The following NXPH2 variants were observed in gnomAD, a reference collection of about 807,000 sequenced individuals.
NXPH2 encodes neurexophilin 2.
Under a neutral mutation model 19.8 loss-of-function variants are expected in NXPH2, and 5 were observed. The ratio of observed to expected loss-of-function variants is 0.25; its 90% CI spans 0.13 to 0.53. NXPH2 has a LOEUF of 0.53. Ranked by LOEUF, NXPH2 falls within the 20% of genes least tolerant of loss-of-function variation. The pLI is 0.96. For synonymous variants in NXPH2, 154 were observed against 127.4 expected (o/e 1.21, Z -1.41); for missense variants, 289 against 322.8 (o/e 0.90, Z 0.80).
intron 1 of NXPH2, among the ~76,000 whole-genome samples, chr2:138,687,699 T>G (rs71413755): frequency 0.027 from 4,158 of 152,348 alleles, 144 homozygotes; most frequent in East Asian, 0.16. Flanking sequence ...TTAATCCATT[T>G]TGAATTAATT....
chr2:138,701,156 T>A (rs1428248855), intron 1 of NXPH2, among the ~76,000 whole-genome samples: 1 of 152,118 alleles, frequency 6.6e-6, no homozygotes, highest in African/African-American at 2.4e-5. Flanking sequence ...GTAGCTCGTG[T>A]AATTCTAGGA....
chr2:138,777,031 A>G (rs558765468), intron 1 of NXPH2, among the ~76,000 whole-genome samples: 14 of 151,124 alleles, frequency 9.3e-5, no homozygotes, highest in South Asian at 4.1e-4. Flanking sequence ...GATTTTTTAA[A>G]TCAGCCCTAA....
chr2:138,747,222 T>G (rs1034394901), intron 1 of NXPH2, among the ~76,000 whole-genome samples: 1 of 152,178 alleles, frequency 6.6e-6, no homozygotes, highest in African/African-American at 2.4e-5. Flanking sequence ...CAGTTCTTAT[T>G]AAGCTTAAAG....
At chr2:138,683,835 T>C (rs113199666) in intron 1 of NXPH2, among the ~76,000 whole-genome samples, 2 of 152,334 alleles carry the variant, frequency 1.3e-5, no homozygotes, top group African/African-American at 4.8e-5. Context: ...TAAAATAAAT[T>C]TTCCAACTTT....
intron 1 of NXPH2, among the ~76,000 whole-genome samples, chr2:138,722,628 TC>T (rs913899862): frequency 1.3e-5 from 2 of 152,170 alleles, no homozygotes; most frequent in African/African-American, 4.8e-5. Flanking sequence ...GTTAAGGAAT[TC>T]CTGCAATGAT....
chr2:138,682,509 T>C (rs914075400), intron 1 of NXPH2, among the ~76,000 whole-genome samples: 12 of 152,208 alleles, frequency 7.9e-5, no homozygotes, highest in African/African-American at 2.9e-4. Flanking sequence ...CCTATTAATA[T>C]TTTGTGGCAT....
intron 1 of NXPH2, among the ~76,000 whole-genome samples, chr2:138,692,134 G>A (rs139006920): frequency 1.4e-3 from 215 of 152,268 alleles, no homozygotes; most frequent in African/African-American, 4.6e-3. Context: ...GCAGAGTTCA[G>A]CTCTGAGTCA....
intron 1 of NXPH2, among the ~76,000 whole-genome samples, chr2:138,688,556 C>G (rs78134095): frequency 0.021 from 3,174 of 152,186 alleles, 50 homozygotes; most frequent in Non-Finnish European, 0.033. Context: ...GCAGTGGGAC[C>G]CTTTCTCCAC....
chr2:138,745,962 C>T (rs1558927959), intron 1 of NXPH2, among the ~76,000 whole-genome samples: 1 of 152,172 alleles, frequency 6.6e-6, no homozygotes, highest in Non-Finnish European at 1.5e-5. Flanking sequence ...GCCTAGTCCA[C>T]CAAGAGATGG....
chr2:138,721,335 G>A lies in NXPH2; in HGVS notation c.52-49670C>T, dbSNP rs1296819793. ...CAAGCTGGAGATAGAGCAAGACTCC[G>A]TCTGAAAAAAAAAAAAATTGCCAGA... On this transcript the variant is annotated intron_variant, in intron 1 of 1. Transcript: ENST00000272641. Among the ~76,000 whole-genome samples, 7 of 150,910 alleles carry A rather than the reference G, an allele frequency of 4.6e-5. 1 individual carries two copies. The highest frequency in any genetic ancestry group is 7.3e-5 in the African/African-American group (3 of 40,916).
intron 1 of NXPH2, among the ~76,000 whole-genome samples, chr2:138,692,341 C>G (rs1680758255): frequency 6.6e-6 from 1 of 152,182 alleles, no homozygotes; most frequent in Admixed American, 6.5e-5. Context: ...AACATCAATG[C>G]TTGTTTATCA....
intron 1 of NXPH2, among the ~76,000 whole-genome samples, chr2:138,757,796 T>C (rs949198471): frequency 3.0e-4 from 45 of 149,116 alleles, no homozygotes; most frequent in African/African-American, 1.1e-3. Context: ...TGTATGTATG[T>C]ATATGTGTGT....
chr2:138,687,715 A>C (rs1422240076), intron 1 of NXPH2, among the ~76,000 whole-genome samples: 1 of 152,204 alleles, frequency 6.6e-6, no homozygotes, highest in Non-Finnish European at 1.5e-5. Flanking sequence ...TAATTTTTGT[A>C]TAAGGTGTAA....
At chr2:138,677,231 T>C (rs1376298210) in intron 1 of NXPH2, among the ~76,000 whole-genome samples, 6 of 152,154 alleles carry the variant, frequency 3.9e-5, no homozygotes, top group Admixed American at 3.3e-4. Context: ...TGCTGTCTTT[T>C]CCCCCATCAT....
At chr2:138,700,547 T>C (rs1680904731) in intron 1 of NXPH2, among the ~76,000 whole-genome samples, 1 of 152,196 alleles carries the variant, frequency 6.6e-6, no homozygotes, top group Non-Finnish European at 1.5e-5. Context: ...TGCACTGACA[T>C]TTAATTTGAA....
At chr2:138,742,360 A>G (rs142216234) in intron 1 of NXPH2, among the ~76,000 whole-genome samples, 47 of 152,310 alleles carry the variant, frequency 3.1e-4, no homozygotes, top group African/African-American at 1.1e-3. Context: ...TTAACACAGC[A>G]TATTTGGAAA....
intron 1 of NXPH2, among the ~76,000 whole-genome samples, chr2:138,731,236 T>C (rs752966860): frequency 6.6e-6 from 1 of 152,186 alleles, no homozygotes; most frequent in Non-Finnish European, 1.5e-5. Flanking sequence ...CTGTGGAATA[T>C]CTGTTGAATA....
chr2:138,695,691 A>G (rs752990709), intron 1 of NXPH2, among the ~76,000 whole-genome samples: 18 of 152,206 alleles, frequency 1.2e-4, no homozygotes, highest in Non-Finnish European at 2.2e-4. Context: ...ACATGGTAGA[A>G]AAAAGCTTCA....
chr2:138,683,146 C>T (rs544240730), intron 1 of NXPH2, among the ~76,000 whole-genome samples: 4 of 151,902 alleles, frequency 2.6e-5, no homozygotes, highest in East Asian at 3.9e-4. Context: ...ACAAGTTTTG[C>T]GAAGTCAAAC....
Sources: allele counts gnomAD v4.1 joint callset (sites outside exome capture counted in the v4.1 genomes callset), GRCh38; gene constraint gnomAD v4.1.1; transcripts MANE v1.5; gene names NCBI Gene and HGNC (gene_info 2026-07-23, HGNC 2026-07-21).